DCHS2: variants seen among roughly 807,000 people sequenced by gnomAD.
DCHS2 encodes the protein dachsous cadherin-related 2.
In DCHS2, 142 loss-of-function variants were observed where a neutral mutation model predicts 182.4. That is an observed-to-expected ratio of 0.78 (90% CI 0.68 to 0.89). DCHS2 has a LOEUF of 0.89. Among genes scored for constraint, DCHS2 ranks in the 40% least tolerant of loss-of-function variants. The pLI, the probability that DCHS2 is intolerant of heterozygous loss-of-function variation, is 0.00. For missense variants in DCHS2, 4,319 were observed against 4,198.6 expected (o/e 1.03, Z -0.79); for synonymous variants, 1,740 against 1,663.3 (o/e 1.05, Z -1.12).
rs377339497 is a variant in DCHS2 at position 154,320,551 on chromosome 4, G to T, written c.4848C>A (p.His1616Gln). Residue 1616 changes from histidine (H) to glutamine (Q), a missense_variant, in exon 9 of 20, where the codon CAC (histidine) becomes CAA (glutamine). Transcript: ENST00000357232. ...TGGGGAAAGAAATAAAAGTGGGGTTGTGGTCATTTACATCCAAAATCACTA... is the reference window on the plus strand; with the variant it reads ...TGGGGAAAGAAATAAAAGTGGGGTTTTGGTCATTTACATCCAAAATCACTA... Reference protein sequence around the residue: ...AQIVILDVNDHNPTFISFPNA... With the variant: ...AQIVILDVNDQNPTFISFPNA... 6.2e-7 allele frequency: 1 copy of T among 1,614,126 alleles called. No homozygotes were observed. Among genetic ancestry groups the T allele is most frequent in the Non-Finnish European group, 8.5e-7 (1 of 1,180,018 alleles).
At chr4:154,388,918 C>T (rs868351322) in intron 1 of DCHS2, among the ~76,000 whole-genome samples, 14 of 152,244 alleles carry the variant, frequency 9.2e-5, no homozygotes, top group South Asian at 4.1e-4. Context: ...ATTATGAGTG[C>T]ATCTTCACAG....
chr4:154,343,898 C>T (rs1002751626), intron 3 of DCHS2, among the ~76,000 whole-genome samples: 3 of 152,192 alleles, frequency 2.0e-5, no homozygotes, highest in African/African-American at 4.8e-5. Flanking sequence ...GTCATGCCTT[C>T]GTCACTATGC....
At chr4:154,473,641 A>G (rs1735567220) in intron 1 of DCHS2, among the ~76,000 whole-genome samples, 2 of 152,150 alleles carry the variant, frequency 1.3e-5, no homozygotes, top group African/African-American at 2.4e-5. Flanking sequence ...ACCTTGACAG[A>G]GAGGGGTGCT....
At chr4:154,307,085 C>T (rs547486540) in intron 10 of DCHS2, among the ~76,000 whole-genome samples, 24 of 151,972 alleles carry the variant, frequency 1.6e-4, no homozygotes, top group Non-Finnish European at 3.2e-4. Context: ...TTTTTCATAC[C>T]CCAAACTTCA....
At chr4:154,447,580 T>C (rs1273914432) in intron 1 of DCHS2, among the ~76,000 whole-genome samples, 1 of 152,230 alleles carries the variant, frequency 6.6e-6, no homozygotes, top group Non-Finnish European at 1.5e-5. Flanking sequence ...GGATTCTCCA[T>C]ACTGAATTTC....
At chr4:154,344,620 A>C (rs1434712404) in intron 3 of DCHS2, among the ~76,000 whole-genome samples, 2 of 152,216 alleles carry the variant, frequency 1.3e-5, no homozygotes, top group African/African-American at 4.8e-5. Flanking sequence ...CAGTAACTCC[A>C]AGAACCTGCA....
At position 154,235,370 on chromosome 4, in the gene DCHS2, G is replaced by A; in HGVS notation, c.9282C>T (p.His3094=). 5 of 1,614,036 alleles carry A rather than the reference G, an allele frequency of 3.1e-6. No individual in the cohort carries two copies. Among genetic ancestry groups the A allele is most frequent in the Non-Finnish European group, 4.2e-6 (5 of 1,179,970 alleles). The change falls in exon 20 of 20, where the codon CAC becomes CAT. Residue 3094 remains histidine (H), a synonymous_variant. Transcript: ENST00000357232. ...NLYRHSNSSG[H]CSVEGETAED... is the part of the protein sequence containing the mutation. ...CTGCAGTTTCTCCTTCCACAGAACA[G>A]TGGCCACTGGAGTTTGAGTGTCTGT...
intron 3 of DCHS2, chr4:154,354,658 A>G (rs1729776949): frequency 6.6e-6 from 1 of 152,192 alleles, no homozygotes; most frequent in South Asian, 2.1e-4. Context: ...CACTTTCACC[A>G]TATCACACTG....
At chr4:154,351,985 C>T (rs767538227) in intron 3 of DCHS2, among the ~76,000 whole-genome samples, 1 of 152,028 alleles carries the variant, frequency 6.6e-6, no homozygotes, top group Non-Finnish European at 1.5e-5. Flanking sequence ...AATTTAATCA[C>T]AGTTATAGCT....
chr4:154,463,093 G>GTATACATATGTACATACTTATGTA (rs1735079965), intron 1 of DCHS2, among the ~76,000 whole-genome samples: 3 of 150,382 alleles, frequency 2.0e-5, no homozygotes, highest in Non-Finnish European at 4.4e-5. Context: ...ATAAGTAGGT[G>GTATACATATGTACATACTTATGTA]TATACATATG....
intron 3 of DCHS2, among the ~76,000 whole-genome samples, chr4:154,358,546 T>G (rs1729976734): frequency 1.3e-5 from 2 of 152,148 alleles, no homozygotes; most frequent in African/African-American, 2.4e-5. Flanking sequence ...CTTATAAGTT[T>G]AAGAAAAGTG....
At chr4:154,460,497 T>A (rs537745305) in intron 1 of DCHS2, among the ~76,000 whole-genome samples, 1 of 152,266 alleles carries the variant, frequency 6.6e-6, no homozygotes, top group East Asian at 1.9e-4. Context: ...ATAAAATGGT[T>A]TAGTAACAGG....
intron 2 of DCHS2, among the ~76,000 whole-genome samples, chr4:154,369,575 A>G (rs1579015554): frequency 6.6e-6 from 1 of 152,216 alleles, no homozygotes; most frequent in African/African-American, 2.4e-5. Context: ...CACCCAGCAA[A>G]GCCACTTGCA....
At position 154,489,428 on chromosome 4, in the gene DCHS2, AGTGGG is replaced by A. The variant is rs1728707468; in HGVS notation, c.1923_1927del (p.Pro642LeufsTer12). 1.3e-6 allele frequency: 2 copies of A among 1,551,582 alleles called. No individual in the cohort carries two copies. Among genetic ancestry groups the A allele is most frequent in the Admixed American group, 3.9e-5 (2 of 50,986 alleles). On this transcript the variant is annotated frameshift_variant, in exon 1 of 20. Transcript: ENST00000357232. LOFTEE classifies it high-confidence loss of function. ...GATGCTCACCAGGCAGGTGGCAGAG[AGTGGG>A]GGCTCTCCGAGGTCCTGGGCCACCA... is the stretch of plus-strand genomic sequence containing the variant.
intron 7 of DCHS2, among the ~76,000 whole-genome samples, chr4:154,325,409 T>C (rs1736241852): frequency 6.6e-6 from 1 of 151,498 alleles, no homozygotes; most frequent in Non-Finnish European, 1.5e-5. Flanking sequence ...CTATGTTGTC[T>C]TCTCCACCCC....
Position 154,333,280 on chromosome 4 carries a change from G to A in DCHS2, c.2928C>T (p.His976=). 1 of 1,614,246 alleles carries A rather than the reference G, an allele frequency of 6.2e-7. No homozygotes were observed. Among genetic ancestry groups the A allele is most frequent in the South Asian group, 1.1e-5 (1 of 91,088 alleles). ...NITVMDVNDN[H]PAFLRTSDEI... is the part of the protein sequence containing the mutation. ...CATCCGAGGTCCTGAGGAACGCTGG[G>A]TGGTTGTCATTGACATCCATGACTG... Residue 976 remains histidine (H), a synonymous_variant, in exon 5 of 20, where the codon CAC becomes CAT. Transcript: ENST00000357232.
At chr4:154,269,543 C>A (rs1471427012) in intron 14 of DCHS2, 4 of 174,280 alleles carry the variant, frequency 2.3e-5, no homozygotes, top group African/African-American at 4.8e-5. Flanking sequence ...GATGAAAACT[C>A]CTTACAGCTA....
chr4:154,449,203 A>T (rs1424187320), intron 1 of DCHS2, among the ~76,000 whole-genome samples: 2 of 100,706 alleles, frequency 2.0e-5, no homozygotes, highest in African/African-American at 5.8e-5. Flanking sequence ...TTTGTCACTT[A>T]AATATCCCCA....
In DCHS2 at chr4:154,393,743, C is replaced by T. The variant is rs1001233798; in HGVS notation, c.2053-16299G>A. 3.9e-5 allele frequency among the ~76,000 whole-genome samples: 6 copies of T among 152,096 alleles called. No homozygotes were observed. The East Asian group carries it at 9.6e-4, about 24-fold the overall frequency. On this transcript the variant is annotated intron_variant, in intron 1 of 19. Transcript: ENST00000357232. ...ATGCTCTTGTCCATGATCCTGAAGT[C>T]TAAGATGTGCCACATCACCACTCCC...
Sources: gnomAD v4.1 joint callset for allele counts (sites outside exome capture counted in the v4.1 genomes callset) on GRCh38, gnomAD v4.1.1 for gene constraint, MANE v1.5 for transcripts, NCBI Gene and HGNC (gene_info 2026-07-23, HGNC 2026-07-21) for gene names.